The following PDE10A variants were observed in gnomAD, a reference collection of about 807,000 sequenced individuals.
PDE10A encodes phosphodiesterase 10A.
In PDE10A, 39 loss-of-function variants were observed where a neutral mutation model predicts 97.7. That is an observed-to-expected ratio of 0.40 (90% CI 0.31 to 0.52). The LOEUF is 0.52. Among genes scored for constraint, PDE10A ranks in the 20% least tolerant of loss-of-function variants. The pLI is 0.56. For missense variants in PDE10A, 731 were observed against 1,047.8 expected (o/e 0.70, Z 4.17); for synonymous variants, 371 against 376.8 (o/e 0.98, Z 0.18).
intron 1 of PDE10A, among the ~76,000 whole-genome samples, chr6:165,734,317 C>A (rs1286200697): frequency 1.3e-5 from 2 of 151,714 alleles, no homozygotes; most frequent in South Asian, 4.2e-4. Context: ...TGCCACCACC[C>A]GAGCCACACA....
At chr6:165,759,910 G>T (rs1457819083) in intron 1 of PDE10A, among the ~76,000 whole-genome samples, 1 of 152,106 alleles carries the variant, frequency 6.6e-6, no homozygotes, top group African/African-American at 2.4e-5. Flanking sequence ...TCTAAAACTT[G>T]TCTAGTAAGT....
chr6:165,802,843 T>G (rs1298695282), intron 1 of PDE10A, among the ~76,000 whole-genome samples: 1 of 152,226 alleles, frequency 6.6e-6, no homozygotes, highest in African/African-American at 2.4e-5. Context: ...ATAAATTCAT[T>G]CCTGATCGCA....
intron 1 of PDE10A, among the ~76,000 whole-genome samples, chr6:165,885,738 G>C (rs1016307168): frequency 3.3e-5 from 5 of 152,226 alleles, no homozygotes; most frequent in Non-Finnish European, 5.9e-5. Context: ...GCCTTTATTG[G>C]ATGCCTTTGA....
At chr6:165,882,721 C>CT (rs1469535169) in intron 1 of PDE10A, among the ~76,000 whole-genome samples, 2 of 148,928 alleles carry the variant, frequency 1.3e-5, no homozygotes, top group Non-Finnish European at 3.0e-5. Context: ...CTTCCAAAAT[C>CT]TTTTTTAGCT....
chr6:165,810,518 A>T (rs1026418809), intron 1 of PDE10A, among the ~76,000 whole-genome samples: 2 of 152,164 alleles, frequency 1.3e-5, no homozygotes, highest in Admixed American at 1.3e-4. Flanking sequence ...ATCCCTGTCC[A>T]TAATTCCTAA....
At chr6:165,476,798 C>T in intron 3 of PDE10A, among the ~76,000 whole-genome samples, 1 of 152,104 alleles carries the variant, frequency 6.6e-6, no homozygotes, top group Middle Eastern at 3.2e-3. Context: ...TCAGATTTCT[C>T]CTTGAAAACA....
intron 1 of PDE10A, among the ~76,000 whole-genome samples, chr6:165,793,482 G>T (rs761207961): frequency 3.2e-4 from 49 of 152,218 alleles, no homozygotes; most frequent in Non-Finnish European, 3.7e-4. Flanking sequence ...GAGACCCGGG[G>T]CTGGGGGGCG....
intron 1 of PDE10A, among the ~76,000 whole-genome samples, chr6:165,779,297 C>T (rs1459443836): frequency 1.4e-5 from 2 of 139,510 alleles, no homozygotes; most frequent in Non-Finnish European, 3.4e-5. Flanking sequence ...AACAGAAAAA[C>T]AAGTCATTGT....
At chr6:165,425,999 T>C (rs1789127936) in intron 10 of PDE10A, among the ~76,000 whole-genome samples, 1 of 151,634 alleles carries the variant, frequency 6.6e-6, no homozygotes, top group South Asian at 2.1e-4. Context: ...ATAAAAGCAA[T>C]ACTTGTTCTC....
chr6:165,655,985 C>T lies in PDE10A; in HGVS notation c.865+5962G>A, dbSNP rs1181213243. Among the ~76,000 whole-genome samples the T allele has an allele frequency of 1.3e-5, 2 of 152,064 alleles. No individual in the cohort carries two copies. The highest frequency in any genetic ancestry group is 2.9e-5 in the Non-Finnish European group (2 of 68,020). ...TACTGCCCCTGTGAAGAGAGACCTG[C>T]ACAGAACAAGGCAAGGAGCCACACA... On this transcript the variant is annotated intron_variant, in intron 1 of 21. Transcript: ENST00000539869. The surrounding 1 kb of genome is among the most constrained non-coding windows in gnomAD (Gnocchi z 4.5).
At chr6:165,346,858 T>C (rs2128183462) in intron 18 of PDE10A, among the ~76,000 whole-genome samples, 1 of 152,298 alleles carries the variant, frequency 6.6e-6, no homozygotes, top group Non-Finnish European at 1.5e-5. Flanking sequence ...AGTATACTGA[T>C]GTATAAGCAA....
chr6:165,776,848 G>A (rs1778199224), intron 1 of PDE10A, among the ~76,000 whole-genome samples: 1 of 152,212 alleles, frequency 6.6e-6, no homozygotes, highest in African/African-American at 2.4e-5. Context: ...AGGCCAGGGA[G>A]GCTGAAACCG....
chr6:165,383,823 T>A (rs138396665), intron 17 of PDE10A, among the ~76,000 whole-genome samples: 1 of 152,224 alleles, frequency 6.6e-6, no homozygotes, highest in East Asian at 1.9e-4. Context: ...AGGCGCTATG[T>A]AAAAGGGGGC....
rs531547464 is a variant in PDE10A at position 165,956,234 on chromosome 6, G to A, written c.-615+31295C>T. On this transcript the variant is annotated intron_variant, in intron 1 of 19. Transcript: ENST00000366882. ...GCAAATCTAGAGCCTGGAGAGCAGG[G>A]TACCCTATTAGCAGGAGAAATAACC... Among the ~76,000 whole-genome samples, 5 of 152,238 alleles carry A rather than the reference G, an allele frequency of 3.3e-5. No homozygotes were observed. In the East Asian group the frequency reaches 9.6e-4, roughly 29 times the overall value.
chr6:165,802,336 C>T (rs931748994), intron 1 of PDE10A, among the ~76,000 whole-genome samples: 4 of 152,224 alleles, frequency 2.6e-5, no homozygotes, highest in African/African-American at 9.6e-5. Flanking sequence ...CAAGGCTGCA[C>T]GAATATCCCC....
chr6:165,677,550 A>G (rs1384326543), intron 1 of PDE10A, among the ~76,000 whole-genome samples: 2 of 152,244 alleles, frequency 1.3e-5, no homozygotes, highest in Non-Finnish European at 2.9e-5. Flanking sequence ...AAAATGCAGT[A>G]TTTACATAGC....
intron 1 of PDE10A, among the ~76,000 whole-genome samples, chr6:165,980,029 G>C (rs77459212): frequency 1.3e-5 from 2 of 152,098 alleles, no homozygotes; most frequent in African/African-American, 4.8e-5. Context: ...ATGCAACACC[G>C]CCCATCCCAA....
intron 1 of PDE10A, among the ~76,000 whole-genome samples, chr6:165,734,999 AG>A (rs1411857875): frequency 9.6e-5 from 14 of 145,288 alleles, no homozygotes; most frequent in African/African-American, 2.5e-4. Flanking sequence ...GATAGTAGGT[AG>A]GTAGGTAGGT....
chr6:165,342,875 G>T (rs918949597), intron 19 of PDE10A, among the ~76,000 whole-genome samples: 1 of 152,204 alleles, frequency 6.6e-6, no homozygotes, highest in Non-Finnish European at 1.5e-5. Flanking sequence ...AGTCATTTAC[G>T]TGTTGTTTCA....
Sources: allele counts gnomAD v4.1 joint callset (sites outside exome capture counted in the v4.1 genomes callset), GRCh38; gene constraint gnomAD v4.1.1; non-coding constraint Gnocchi (gnomAD v3.1); transcripts MANE v1.5; gene names NCBI Gene and HGNC (gene_info 2026-07-23, HGNC 2026-07-21).